RSPO3: variants seen among roughly 807,000 people sequenced by gnomAD.
The protein encoded by RSPO3 is R-spondin 3, also known as R-spondin-3.
A neutral mutation model predicts 36.5 loss-of-function variants in RSPO3; 17 were observed. The observed-to-expected ratio is 0.47, with a 90% confidence interval of 0.32 to 0.70. The LOEUF (loss-of-function observed/expected upper bound fraction) is 0.70, where lower values mean the gene tolerates loss of function less well. Ranked by LOEUF, RSPO3 falls within the 30% of genes least tolerant of loss-of-function variation. The pLI is 0.04. For synonymous variants in RSPO3, 108 were observed against 107.0 expected, an observed-to-expected ratio of 1.01 and a Z score of -0.06; for missense variants, 294 against 322.5, an observed-to-expected ratio of 0.91 and a Z score of 0.68.
chr6:127,160,264 A>C (rs1334595554), intron 4 of RSPO3, among the ~76,000 whole-genome samples: 1 of 152,180 alleles, frequency 6.6e-6, no homozygotes, highest in East Asian at 1.9e-4. Flanking sequence ...ACAGTTTACA[A>C]TTTGTATATA....
chr6:127,139,786 C>T (rs1248772847), intron 1 of RSPO3, among the ~76,000 whole-genome samples: 1 of 151,948 alleles, frequency 6.6e-6, no homozygotes, highest in East Asian at 2.0e-4. Flanking sequence ...CCCCTCTTGT[C>T]CTCTATTCAC....
At chr6:127,125,354 G>A (rs992811823) in intron 1 of RSPO3, among the ~76,000 whole-genome samples, 5 of 152,172 alleles carry the variant, frequency 3.3e-5, no homozygotes, top group African/African-American at 4.8e-5. Flanking sequence ...AGGCTCCTTA[G>A]TGTATGTTGG....
In RSPO3 at chr6:127,124,252, C is replaced by A. The variant is rs185774528; in HGVS notation, c.97+4963C>A. ...TGTTTCATTTTGGACATATCTTGAT[C>A]TCTCTCTTCCTACTTCTTCACTATT... is the stretch of plus-strand genomic sequence containing the variant. On this transcript the variant is annotated intron_variant, in intron 1 of 4. Coordinates refer to ENST00000356698, the MANE Select transcript of RSPO3 (RefSeq NM_032784.5). Among the ~76,000 whole-genome samples, 178 of 152,152 alleles carry A rather than the reference C, an allele frequency of 1.2e-3. 1 individual carries two copies. Among genetic ancestry groups the A allele is most frequent in the African/African-American group, 4.1e-3 (169 of 41,550 alleles).
At chr6:127,190,950 A>G (rs2114271660) in intron 4 of RSPO3, among the ~76,000 whole-genome samples, 1 of 152,318 alleles carries the variant, frequency 6.6e-6, no homozygotes, top group Admixed American at 6.5e-5. Flanking sequence ...TTATGTTTAA[A>G]GGATATTGAA....
intron 1 of RSPO3, among the ~76,000 whole-genome samples, chr6:127,126,717 G>C (rs1773945741): frequency 1.3e-5 from 2 of 152,080 alleles, no homozygotes; most frequent in African/African-American, 4.8e-5. Flanking sequence ...CTTTTAAGTA[G>C]ATTTCTCTAC....
intron 3 of RSPO3, 92 bp from the exon 4 acceptor site, chr6:127,155,149 G>A (rs1774567155): frequency 8.0e-7 from 1 of 1,253,068 alleles, no homozygotes; most frequent in Admixed American, 1.8e-5. Context: ...TCAAATGTGG[G>A]CAAGTTCTGA....
At chr6:127,171,328 T>G (rs962173488) in intron 4 of RSPO3, among the ~76,000 whole-genome samples, 1 of 151,724 alleles carries the variant, frequency 6.6e-6, no homozygotes, top group Non-Finnish European at 1.5e-5. Context: ...AGAGGTTATA[T>G]CAGATGTCTT....
chr6:127,136,120 T>C (rs1424541479), intron 1 of RSPO3, among the ~76,000 whole-genome samples: 1 of 152,150 alleles, frequency 6.6e-6, no homozygotes, highest in East Asian at 1.9e-4. Flanking sequence ...CCTGTAGCCA[T>C]TCTGTAATAC....
intron 4 of RSPO3, among the ~76,000 whole-genome samples, chr6:127,174,704 A>G (rs1318947620): frequency 1.3e-5 from 2 of 151,898 alleles, no homozygotes; most frequent in African/African-American, 2.4e-5. Flanking sequence ...TAACACTTCA[A>G]TAATAAAATA....
intron 1 of RSPO3, among the ~76,000 whole-genome samples, chr6:127,147,026 C>T (rs1222791906): frequency 1.3e-5 from 2 of 152,152 alleles, no homozygotes; most frequent in Admixed American, 6.6e-5. Context: ...TCCTGTGCCA[C>T]TTTATGTGAC....
In RSPO3 at chr6:127,197,339, G is replaced by C. The variant is rs138856011; in HGVS notation, c.*1332G>C. 1,776 of 1,493,616 alleles carry C rather than the reference G, an allele frequency of 1.2e-3. No individual in the cohort carries two copies. The highest frequency in any genetic ancestry group is 1.5e-3 in the Non-Finnish European group (1,660 of 1,107,924). 92.5% of individuals were successfully genotyped at this position (1,493,616 alleles called of 1,614,324 possible). The stretch of plus-strand genomic sequence containing the variant: ...GCTCCCCCTTCATTGCTTAGAAATG[G>C]GCATCATTTCTTGTATGTCAGATCC... On this transcript the variant is annotated 3_prime_UTR_variant, in exon 5 of 5. Transcript: ENST00000356698.
chr6:127,155,105 T>A, intron 3 of RSPO3, 136 bp from the exon 4 acceptor site: 2 of 782,666 alleles, frequency 2.6e-6, no homozygotes, highest in East Asian at 4.9e-5. Flanking sequence ...TATATTTAAG[T>A]CATCTTGCCC....
At chr6:127,179,162 AC>A (rs1322549699) in intron 4 of RSPO3, among the ~76,000 whole-genome samples, 1 of 151,876 alleles carries the variant, frequency 6.6e-6, no homozygotes, top group Non-Finnish European at 1.5e-5. Context: ...AGTGGAGAAT[AC>A]CCAAGCATAC....
chr6:127,188,320 T>G (rs1775338277), intron 4 of RSPO3, among the ~76,000 whole-genome samples: 1 of 152,212 alleles, frequency 6.6e-6, no homozygotes, highest in Non-Finnish European at 1.5e-5. Flanking sequence ...AAGCAGACTA[T>G]GAAAATACAC....
At chr6:127,156,479 GT>G (rs1381102033) in intron 4 of RSPO3, among the ~76,000 whole-genome samples, 1 of 152,144 alleles carries the variant, frequency 6.6e-6, no homozygotes, top group Admixed American at 6.5e-5. Flanking sequence ...ACTATTGGTA[GT>G]TATCTGGTGA....
chr6:127,194,540 A>C (rs1297612555), intron 4 of RSPO3, among the ~76,000 whole-genome samples: 1 of 152,244 alleles, frequency 6.6e-6, no homozygotes, highest in Non-Finnish European at 1.5e-5. Flanking sequence ...CATGATAATA[A>C]AACATCTAGT....
Position 127,150,481 on chromosome 6 carries a change from A to G in RSPO3, c.345A>G (p.Lys115=), listed in dbSNP as rs146917895. The G allele has an allele frequency of 3.5e-5, 57 of 1,612,660 alleles. No individual in the cohort carries two copies. In the African/African-American group the frequency reaches 6.5e-4, roughly 19 times the overall value. Residue 115 remains lysine (K), a synonymous_variant, in exon 3 of 5, where the codon AAA becomes AAG. Coordinates refer to ENST00000356698, the MANE Select transcript of RSPO3 (RefSeq NM_032784.5). ...CFNKNFCTKC[K]SGFYLHLGKC... is the part of the protein sequence containing the mutation. ...ACAAAAATTTCTGCACAAAATGTAA[A>G]AGTGGATTTTACTTACACCTTGGAA...
chr6:127,142,552 A>G (rs1774294887), intron 1 of RSPO3, among the ~76,000 whole-genome samples: 1 of 152,220 alleles, frequency 6.6e-6, no homozygotes, highest in African/African-American at 2.4e-5. Context: ...AATTTAGGCA[A>G]GAAAAATCGC....
intron 4 of RSPO3, among the ~76,000 whole-genome samples, chr6:127,191,997 T>C (rs765396548): frequency 4.6e-5 from 7 of 152,244 alleles, no homozygotes; most frequent in Non-Finnish European, 5.9e-5. Flanking sequence ...CCTTAGTGCA[T>C]GTTCACTGCC....
Sources: allele counts gnomAD v4.1 joint callset (sites outside exome capture counted in the v4.1 genomes callset), GRCh38; gene constraint gnomAD v4.1.1; transcripts MANE v1.5; gene names NCBI Gene and HGNC (gene_info 2026-07-23, HGNC 2026-07-21).